MLLT10: variants seen among roughly 807,000 people sequenced by gnomAD.
The protein encoded by MLLT10 is MLLT10 histone lysine methyltransferase DOT1L cofactor.
A neutral mutation model predicts 129.1 loss-of-function variants in MLLT10; 30 were observed. That is an observed-to-expected ratio of 0.23 (90% confidence interval 0.17 to 0.32). MLLT10 has a LOEUF of 0.32. Ranked by LOEUF, MLLT10 falls within the 10% of genes least tolerant of loss-of-function variation. The probability of loss-of-function intolerance (pLI) is 1.00; values close to 1 mark genes in which losing one functional copy is unlikely to be tolerated. For synonymous variants in MLLT10, 490 were observed against 446.4 expected, an observed-to-expected ratio of 1.10 and a Z score of -1.23; for missense variants, 1,119 against 1,268.3, an observed-to-expected ratio of 0.88 and a Z score of 1.79.
intron 9 of MLLT10, among the ~76,000 whole-genome samples, chr10:21,669,326 T>C (rs1046564021): frequency 6.6e-6 from 1 of 152,186 alleles, no homozygotes; most frequent in Non-Finnish European, 1.5e-5. Context: ...CTTATTCCTC[T>C]TTTTGAAATT....
chr10:21,738,932 T>G (rs959042670), intron 21 of MLLT10, among the ~76,000 whole-genome samples: 3 of 152,208 alleles, frequency 2.0e-5, no homozygotes, highest in Non-Finnish European at 4.4e-5. Context: ...GACCTCTCTC[T>G]GGAGCTTCAA....
chr10:21,632,073 A>T (rs895790672), intron 8 of MLLT10, among the ~76,000 whole-genome samples: 1 of 152,102 alleles, frequency 6.6e-6, no homozygotes, highest in African/African-American at 2.4e-5. Flanking sequence ...TGGGAGAATA[A>T]ATTTTGAAGA....
At chr10:21,672,981 A>C (rs1183297794) in intron 10 of MLLT10, among the ~76,000 whole-genome samples, 1 of 152,070 alleles carries the variant, frequency 6.6e-6, no homozygotes, top group East Asian at 1.9e-4. Flanking sequence ...TGGAAAGGAG[A>C]CTACTGTTCT....
chr10:21,689,112 T>C (rs2053572487), intron 13 of MLLT10, among the ~76,000 whole-genome samples: 1 of 152,100 alleles, frequency 6.6e-6, no homozygotes, highest in African/African-American at 2.4e-5. Context: ...AATATGGCAC[T>C]TTCCTTCTTG....
intron 8 of MLLT10, among the ~76,000 whole-genome samples, chr10:21,650,912 T>C (rs1398614865): frequency 6.6e-6 from 1 of 152,238 alleles, no homozygotes; most frequent in African/African-American, 2.4e-5. Flanking sequence ...CTGGAGTTTC[T>C]GTGCCTCTAG....
intron 3 of MLLT10, among the ~76,000 whole-genome samples, chr10:21,551,537 G>A (rs530448245): frequency 9.9e-5 from 15 of 151,764 alleles, no homozygotes; most frequent in South Asian, 6.2e-4. Context: ...ATCATAGACC[G>A]ATAACATAGC....
chr10:21,594,570 A>G (rs2042848961), intron 4 of MLLT10, among the ~76,000 whole-genome samples: 1 of 136,048 alleles, frequency 7.4e-6, no homozygotes, highest in Non-Finnish European at 1.6e-5. Flanking sequence ...AAAAAAAAAA[A>G]AAAAAAGGAC....
At chr10:21,703,527 G>A (rs114326890) in intron 13 of MLLT10, among the ~76,000 whole-genome samples, 1,946 of 152,142 alleles carry the variant, frequency 0.013, 36 homozygotes, top group African/African-American at 0.044. Context: ...CTGGATGTCT[G>A]TATCTCTTGC....
intron 4 of MLLT10, among the ~76,000 whole-genome samples, chr10:21,594,230 G>T (rs1258680550): frequency 1.3e-5 from 2 of 151,892 alleles, no homozygotes; most frequent in Non-Finnish European, 2.9e-5. Context: ...GTACATCCCT[G>T]TACTGTTAGG....
intron 11 of MLLT10, among the ~76,000 whole-genome samples, chr10:21,678,664 A>C (rs1005139520): frequency 1.9e-4 from 29 of 152,250 alleles, no homozygotes; most frequent in African/African-American, 7.0e-4. Flanking sequence ...TGAAGAAATC[A>C]AACTGATAGG....
At chr10:21,551,357 T>TAAAA (rs2037005610) in intron 3 of MLLT10, among the ~76,000 whole-genome samples, 4 of 150,900 alleles carry the variant, frequency 2.7e-5, no homozygotes, top group Non-Finnish European at 5.9e-5. Flanking sequence ...ACAGGCTTTT[T>TAAAA]AGCCTGTACA....
chr10:21,658,199 C>T (rs1440292708), intron 9 of MLLT10, among the ~76,000 whole-genome samples: 1 of 152,172 alleles, frequency 6.6e-6, no homozygotes, highest in Non-Finnish European at 1.5e-5. Context: ...CATATGTACA[C>T]ATTAGTGAAA....
intron 3 of MLLT10, among the ~76,000 whole-genome samples, chr10:21,551,231 T>C (rs2036965340): frequency 6.6e-6 from 1 of 151,078 alleles, no homozygotes; most frequent in African/African-American, 2.4e-5. Flanking sequence ...GGCCAACTTA[T>C]CTTTGATTTC....
rs1366234754 is a variant in MLLT10 at position 21,624,625 on chromosome 10, T to C, written c.699+7418T>C. 4 of 1,436,188 alleles carry C rather than the reference T, an allele frequency of 2.8e-6. No homozygotes were observed. The South Asian group carries it at 5.9e-5, about 21-fold the overall frequency. 89.0% of individuals were successfully genotyped at this position (1,436,188 alleles called of 1,614,324 possible). A position where few individuals can be genotyped will look rare whatever the true frequency, so the allele number is the denominator to read the frequency against. ...GTTGCCCATAAGTATCCTGATAAAA[T>C]TCCTGGTTGTCATTATTGTAACCAT... On this transcript the variant is annotated intron_variant, in intron 8 of 22. Transcript: ENST00000307729.
At chr10:21,595,187 G>A in intron 4 of MLLT10, 144 bp from the exon 5 acceptor site, 1 of 553,510 alleles carries the variant, frequency 1.8e-6, no homozygotes, top group East Asian at 2.8e-5. Flanking sequence ...TCAAGCAATG[G>A]AAGTAAGACA....
chr10:21,580,241 A>G (rs2041256597), intron 3 of MLLT10, among the ~76,000 whole-genome samples: 1 of 151,818 alleles, frequency 6.6e-6, no homozygotes, highest in African/African-American at 2.4e-5. Flanking sequence ...TTATAGGTTT[A>G]TCTTCAGTGG....
intron 3 of MLLT10, among the ~76,000 whole-genome samples, chr10:21,546,881 C>T (rs2036165772): frequency 6.6e-6 from 1 of 152,164 alleles, no homozygotes; most frequent in African/African-American, 2.4e-5. Context: ...GCATGCGCCA[C>T]CACACCTGGC....
chr10:21,587,963 C>T (rs1029004088), intron 4 of MLLT10, among the ~76,000 whole-genome samples: 1 of 152,206 alleles, frequency 6.6e-6, no homozygotes, highest in Non-Finnish European at 1.5e-5. Context: ...GACTTATTTA[C>T]TCCCTCCATC....
At chr10:21,735,836 T>C (rs1024183715) in intron 21 of MLLT10, among the ~76,000 whole-genome samples, 5 of 152,120 alleles carry the variant, frequency 3.3e-5, no homozygotes, top group African/African-American at 1.2e-4. Context: ...AAGGGGGTGG[T>C]CTTAGATGAT....
Sources: gnomAD v4.1 joint callset for allele counts (sites outside exome capture counted in the v4.1 genomes callset) on GRCh38, gnomAD v4.1.1 for gene constraint, MANE v1.5 for transcripts, NCBI Gene and HGNC (gene_info 2026-07-23, HGNC 2026-07-21) for gene names.